The following CACNA1A variants were observed in gnomAD, a reference collection of about 807,000 sequenced individuals.
CACNA1A encodes calcium voltage-gated channel subunit alpha1 A.
A neutral mutation model predicts 262.4 loss-of-function variants in CACNA1A; 57 were observed. The observed-to-expected ratio is 0.22, with a 90% CI of 0.18 to 0.27. CACNA1A has a LOEUF of 0.27. Ranked by LOEUF, CACNA1A falls within the 10% of genes least tolerant of loss-of-function variation. CACNA1A has a pLI of 1.00. For missense variants in CACNA1A, 2,526 were observed against 3,562.8 expected, an observed-to-expected ratio of 0.71 and a Z score of 7.41; for synonymous variants, 1,431 against 1,419.3, an observed-to-expected ratio of 1.01 and a Z score of -0.18.
chr19:13,332,368 C>T (rs2058482053), intron 9 of CACNA1A, among the ~76,000 whole-genome samples: 2 of 151,682 alleles, frequency 1.3e-5, no homozygotes, highest in Admixed American at 6.6e-5. Flanking sequence ...TGACTGCACT[C>T]CAGCCTGGGT....
chr19:13,336,605 GAGAGA>G (rs1568547515), intron 6 of CACNA1A, among the ~76,000 whole-genome samples: 10 of 131,526 alleles, frequency 7.6e-5, no homozygotes, highest in African/African-American at 2.7e-4. Context: ...GAGAGAGAGA[GAGAGA>G]GAGAGAGAGA....
At chr19:13,320,046 C>T (rs59514236) in intron 10 of CACNA1A, among the ~76,000 whole-genome samples, 6,946 of 152,194 alleles carry the variant, frequency 0.046, 255 homozygotes, top group East Asian at 0.13. Context: ...CTCCTTTCTG[C>T]AAAGACCCTT....
intron 31 of CACNA1A, among the ~76,000 whole-genome samples, chr19:13,243,299 CT>C (rs1600155547): frequency 6.6e-6 from 1 of 152,212 alleles, no homozygotes; most frequent in East Asian, 1.9e-4. Context: ...CTCACTGGAG[CT>C]GAAGGCAAAT....
At chr19:13,388,241 TCTTC>T (rs2059649432) in intron 3 of CACNA1A, among the ~76,000 whole-genome samples, 1 of 135,702 alleles carries the variant, frequency 7.4e-6, no homozygotes, top group Non-Finnish European at 1.5e-5. Flanking sequence ...GATTTCTTCC[TCTTC>T]TTTTTTTTTT....
In CACNA1A at chr19:13,308,743, C is replaced by T. The variant is rs552716240; in HGVS notation, c.1669-215G>A. 2.1e-6 allele frequency: 1 copy of T among 482,298 alleles called. No homozygotes were observed. Among genetic ancestry groups the T allele is most frequent in the South Asian group, 3.2e-5 (1 of 31,054 alleles). The allele number at this position is 482,298 out of a possible 1,614,324, so 29.9% of individuals were successfully genotyped here. A position where few individuals can be genotyped will look rare whatever the true frequency, so the allele number is the denominator to read the frequency against. On this transcript the variant is annotated intron_variant, in intron 12 of 46. Coordinates refer to ENST00000360228, the MANE Select transcript of CACNA1A (RefSeq NM_001127222.2). The surrounding 1 kb of genome is among the most constrained non-coding windows in gnomAD (Gnocchi z 4.2). Reference sequence around the variant, plus strand: ...CCAGGCTGGAGTGCAGTGGCGCAATCATAGCTCACTGCAGCACTGTCCTCC... The same window carrying T: ...CCAGGCTGGAGTGCAGTGGCGCAATTATAGCTCACTGCAGCACTGTCCTCC...
chr19:13,316,850 GT>G (rs2058137890), intron 11 of CACNA1A: 1 of 368,842 alleles, frequency 2.7e-6, no homozygotes, highest in Non-Finnish European at 4.9e-6. Flanking sequence ...GCACCCCTCT[GT>G]CCCTCTCTCT....
chr19:13,222,021 C>T (rs1007013111), intron 38 of CACNA1A, among the ~76,000 whole-genome samples: 3 of 152,110 alleles, frequency 2.0e-5, no homozygotes, highest in Non-Finnish European at 2.9e-5. Flanking sequence ...ATTCTTCTGC[C>T]TCAGCCTCCC....
chr19:13,337,711 C>T (rs1479680534), intron 6 of CACNA1A, among the ~76,000 whole-genome samples: 4 of 123,846 alleles, frequency 3.2e-5, no homozygotes, highest in Non-Finnish European at 7.0e-5. Flanking sequence ...AAAATTAAGT[C>T]ATGCTTAACA....
At chr19:13,488,861 C>G (rs1021463176) in intron 1 of CACNA1A, among the ~76,000 whole-genome samples, 13 of 151,928 alleles carry the variant, frequency 8.6e-5, no homozygotes, top group African/African-American at 2.7e-4. Context: ...GTTCAGGGAC[C>G]CTGGCAACAT....
intron 6 of CACNA1A, among the ~76,000 whole-genome samples, chr19:13,354,025 G>T (rs1013637030): frequency 6.6e-6 from 1 of 152,176 alleles, no homozygotes. Flanking sequence ...TCCTACCAGG[G>T]TGGAGATTTT....
intron 3 of CACNA1A, among the ~76,000 whole-genome samples, chr19:13,419,628 T>A (rs1264191167): frequency 1.3e-5 from 2 of 152,144 alleles, no homozygotes; most frequent in African/African-American, 4.8e-5. Flanking sequence ...AGTGAGCTGT[T>A]ATCAGGCCAC....
chr19:13,464,837 T>C lies in CACNA1A; in HGVS notation c.294-9625A>G, dbSNP rs139209435. ...TGCTGGGATTACAGGCGTGAGCCAC[T>C]GCGCCCGGCCAACTTTTCCTATTTT... is the stretch of plus-strand genomic sequence containing the variant. On this transcript the variant is annotated intron_variant, in intron 1 of 46. Coordinates refer to ENST00000360228, the MANE Select transcript of CACNA1A (RefSeq NM_001127222.2). Among the ~76,000 whole-genome samples, 491 of 151,540 alleles carry C rather than the reference T, an allele frequency of 3.2e-3. 2 individuals are homozygous for C. The highest frequency in any genetic ancestry group is 8.2e-3 in the African/African-American group (339 of 41,324).
At chr19:13,400,609 C>T (rs186774939) in intron 3 of CACNA1A, among the ~76,000 whole-genome samples, 1 of 152,248 alleles carries the variant, frequency 6.6e-6, no homozygotes, top group African/African-American at 2.4e-5. Flanking sequence ...TAATATTTAA[C>T]AATCTAGAAC....
intron 1 of CACNA1A, among the ~76,000 whole-genome samples, chr19:13,504,532 C>T (rs543879026): frequency 6.6e-5 from 10 of 151,728 alleles, no homozygotes; most frequent in Non-Finnish European, 1.2e-4. Context: ...ACCCGCCATG[C>T]TCCTCAAACA....
chr19:13,354,169 G>A (rs1190526502), intron 6 of CACNA1A, among the ~76,000 whole-genome samples: 1 of 152,156 alleles, frequency 6.6e-6, no homozygotes, highest in Non-Finnish European at 1.5e-5. Context: ...CTTACAAAGG[G>A]CTGCCTACCC....
chr19:13,408,228 CGTG>C (rs987968312), intron 3 of CACNA1A, among the ~76,000 whole-genome samples: 36 of 152,198 alleles, frequency 2.4e-4, no homozygotes, highest in Non-Finnish European at 4.4e-4. Flanking sequence ...ATTAGCCTGG[CGTG>C]GTGGCTTGTA....
chr19:13,496,043 ACCATCCAT>A (rs140251496), intron 1 of CACNA1A, among the ~76,000 whole-genome samples: 3,030 of 145,764 alleles, frequency 0.021, 34 homozygotes, highest in East Asian at 0.049. Context: ...CATCTGTTCA[ACCATCCAT>A]CCATCCATCC....
intron 9 of CACNA1A, 49 bp downstream of exon 9, chr19:13,332,820 C>T: frequency 1.6e-6 from 2 of 1,288,078 alleles, no homozygotes; most frequent in South Asian, 1.2e-5. Flanking sequence ...ACCACAGCTT[C>T]TCCCTTCTCC....
At chr19:13,435,401 C>T (rs890902689) in intron 3 of CACNA1A, among the ~76,000 whole-genome samples, 10 of 151,924 alleles carry the variant, frequency 6.6e-5, no homozygotes, top group Non-Finnish European at 1.0e-4. Context: ...CCATCACGCC[C>T]AGCCCCAGCC....
Sources: gnomAD v4.1 joint callset for allele counts (sites outside exome capture counted in the v4.1 genomes callset) on GRCh38, gnomAD v4.1.1 for gene constraint, Gnocchi (gnomAD v3.1) non-coding constraint, MANE v1.5 for transcripts, NCBI Gene and HGNC (gene_info 2026-07-23, HGNC 2026-07-21) for gene names.